Variants in CDH20 observed in about 807,000 individuals in gnomAD.
The protein encoded by CDH20 is cadherin-20.
In CDH20, 29 loss-of-function variants were observed where a neutral mutation model predicts 74.2. The ratio of observed to expected loss-of-function variants is 0.39; its 90% confidence interval spans 0.29 to 0.53. The LOEUF (loss-of-function observed/expected upper bound fraction) is 0.53, where lower values mean the gene tolerates loss of function less well. Among genes scored for constraint, CDH20 ranks in the 20% least tolerant of loss-of-function variants. The pLI is 0.69. For synonymous variants in CDH20, 469 were observed against 405.4 expected (o/e 1.16, Z -1.88); for missense variants, 988 against 1,048.3 (o/e 0.94, Z 0.79).
At chr18:61,361,257 A>T (rs570765966) in intron 1 of CDH20, among the ~76,000 whole-genome samples, 4 of 152,354 alleles carry the variant, frequency 2.6e-5, no homozygotes, top group African/African-American at 9.6e-5. Context: ...AAGGACATCC[A>T]TTATACCCAT....
At chr18:61,510,993 T>TTTG (rs879294844) in intron 6 of CDH20, among the ~76,000 whole-genome samples, 1 of 148,502 alleles carries the variant, frequency 6.7e-6, no homozygotes, top group African/African-American at 2.5e-5. Flanking sequence ...TTTTTTTTTT[T>TTTG]GTTTATTTGT....
At position 61,461,328 on chromosome 18, in the gene CDH20, T is replaced by TA. The variant is rs33964985; in HGVS notation, c.-152-29054dup. On this transcript the variant is annotated intron_variant, in intron 1 of 11. Coordinates refer to ENST00000262717, the MANE Select transcript of CDH20 (RefSeq NM_031891.4). ...ACAAAGTACCACAAGCTGGGTGACT[T>TA]AAAAAAAAAAAAAAAAAAAACCAGA... Among the ~76,000 whole-genome samples the TA allele has an allele frequency of 9.4e-3, 1,215 of 129,476 alleles. 13 individuals are homozygous for TA. The highest frequency in any genetic ancestry group is 0.052 in the East Asian group (233 of 4,462). The allele number at this position is 129,476 out of a possible 152,430, so 84.9% of individuals were successfully genotyped here.
At chr18:61,439,331 TC>T (rs1428425914) in intron 1 of CDH20, among the ~76,000 whole-genome samples, 1 of 152,168 alleles carries the variant, frequency 6.6e-6, no homozygotes, top group Non-Finnish European at 1.5e-5. Flanking sequence ...TAGTATATAT[TC>T]ATTTTTAACA....
At chr18:61,532,735 G>A (rs1363761549) in intron 7 of CDH20, among the ~76,000 whole-genome samples, 1 of 152,052 alleles carries the variant, frequency 6.6e-6, no homozygotes, top group African/African-American at 2.4e-5. Flanking sequence ...ATGCACTATA[G>A]TAAAGAAAAT....
At position 61,429,851 on chromosome 18, in the gene CDH20, T is replaced by C. The variant is rs1913193827; in HGVS notation, c.-152-60551T>C. Among the ~76,000 whole-genome samples, 3 of 152,234 alleles carry C rather than the reference T, an allele frequency of 2.0e-5. No homozygotes were observed. The South Asian group carries it at 6.2e-4, about 31-fold the overall frequency. ...GATTATTATTTCTTCACTGGAATAA[T>C]ACTTTTCCCACTCAGATTTCAACAA... On this transcript the variant is annotated intron_variant, in intron 1 of 11. Coordinates refer to ENST00000262717, the MANE Select transcript of CDH20 (RefSeq NM_031891.4).
At chr18:61,364,461 C>T (rs931402535) in intron 1 of CDH20, among the ~76,000 whole-genome samples, 3 of 152,128 alleles carry the variant, frequency 2.0e-5, no homozygotes, top group Admixed American at 6.5e-5. Flanking sequence ...TACAGGCATG[C>T]GCCACCACAC....
Position 61,370,951 on chromosome 18 carries a change from A to G in CDH20, c.-153+37124A>G, listed in dbSNP as rs151074629. On this transcript the variant is annotated intron_variant, in intron 1 of 11. Coordinates refer to ENST00000262717, the MANE Select transcript of CDH20 (RefSeq NM_031891.4). ...TTTTCTCCAACTATAAAAAAGTTAG[A>G]CTAGGCATGTAGCCCCTGAAATAGT... Among the ~76,000 whole-genome samples, 357 of 152,194 alleles carry G rather than the reference A, an allele frequency of 2.3e-3. 4 individuals are homozygous for G. The highest frequency in any genetic ancestry group is 8.3e-3 in the African/African-American group (346 of 41,566).
intron 7 of CDH20, among the ~76,000 whole-genome samples, chr18:61,536,046 C>T (rs912253691): frequency 6.6e-6 from 1 of 152,108 alleles, no homozygotes; most frequent in Non-Finnish European, 1.5e-5. Context: ...ATAGTTGATA[C>T]AAATTATAAG....
chr18:61,415,127 T>G (rs1420271165), intron 1 of CDH20, among the ~76,000 whole-genome samples: 1 of 152,178 alleles, frequency 6.6e-6, no homozygotes, highest in Non-Finnish European at 1.5e-5. Flanking sequence ...TTTTGCTATA[T>G]TCTAGCATTT....
chr18:61,553,203 G>A (rs1447893235), intron 11 of CDH20, among the ~76,000 whole-genome samples: 1 of 151,892 alleles, frequency 6.6e-6, no homozygotes, highest in African/African-American at 2.4e-5. Flanking sequence ...GATAAACTGG[G>A]GTCTTATTTT....
chr18:61,503,019 A>C lies in CDH20; in HGVS notation c.728A>C (p.Gln243Pro). Residue 243 changes from glutamine to proline, a missense_variant, in exon 5 of 12, where the codon CAA (glutamine) becomes CCA (proline). Transcript: ENST00000262717. ...AAAGAATACTACGAAGTGATTATCC[A>C]AGCCAAGGACATGGGAGGGCAGCTT... ...EAKEYYEVII[Q>P]AKDMGGQLGG... The C allele has an allele frequency of 6.2e-7, 1 of 1,614,066 alleles. No individual in the cohort carries two copies. The highest frequency in any genetic ancestry group is 8.5e-7 in the Non-Finnish European group (1 of 1,179,910).
rs199623629 is a variant in CDH20 at position 61,500,391 on chromosome 18, G to A, written c.550G>A (p.Val184Ile). The A allele has an allele frequency of 6.4e-5, 103 of 1,611,614 alleles. No homozygotes were observed. Among genetic ancestry groups the A allele is most frequent in the Admixed American group, 2.2e-4 (13 of 59,948 alleles). Residue 184 changes from valine to isoleucine, a missense_variant, in exon 4 of 12, where the codon GTC (valine) becomes ATC (isoleucine). Physicochemically the swap from Val to Ile is conservative, Grantham distance 29. Transcript: ENST00000262717. ...VPEMSPVGTS[V>I]IQVTATDADD... ...CCTCTTCTCTTCCCCAGGTACCTCCGTCATCCAAGTGACAGCCACAGATGC... is the reference window on the plus strand; with the variant it reads ...CCTCTTCTCTTCCCCAGGTACCTCCATCATCCAAGTGACAGCCACAGATGC...
chr18:61,432,959 C>A (rs1318668474), intron 1 of CDH20, among the ~76,000 whole-genome samples: 1 of 151,976 alleles, frequency 6.6e-6, no homozygotes, highest in East Asian at 1.9e-4. Context: ...AAAGAAAAAA[C>A]ATACACCACA....
At chr18:61,410,457 G>A (rs1230152882) in intron 1 of CDH20, among the ~76,000 whole-genome samples, 1 of 152,196 alleles carries the variant, frequency 6.6e-6, no homozygotes, top group East Asian at 1.9e-4. Flanking sequence ...TAGTGAAACT[G>A]TAAATTAGGG....
In CDH20 at chr18:61,555,387, AGTGCTCGT is replaced by A; in HGVS notation, c.*695_*702del. 1 of 985,502 alleles carries A rather than the reference AGTGCTCGT, an allele frequency of 1.0e-6. No homozygotes were observed. The highest frequency in any genetic ancestry group is 1.2e-6 in the Non-Finnish European group (1 of 829,972). The allele number at this position is 985,502 out of a possible 1,614,324, so 61.0% of individuals were successfully genotyped here. A position where few individuals can be genotyped will look rare whatever the true frequency, so the allele number is the denominator to read the frequency against. On this transcript the variant is annotated 3_prime_UTR_variant, in exon 12 of 12. Transcript: ENST00000262717. ...AGCTCATCCAACGCCATCAAGTTAG[AGTGCTCGT>A]GTCTCCTCTCAGCTATTTAACTGTG...
intron 1 of CDH20, among the ~76,000 whole-genome samples, chr18:61,455,259 A>C (rs1382419602): frequency 6.6e-6 from 1 of 152,214 alleles, no homozygotes; most frequent in Non-Finnish European, 1.5e-5. Flanking sequence ...ACAATGTAGG[A>C]TCCTGGATTG....
chr18:61,371,696 CA>C (rs1911046315), intron 1 of CDH20, among the ~76,000 whole-genome samples: 1 of 151,984 alleles, frequency 6.6e-6, no homozygotes, highest in African/African-American at 2.4e-5. Context: ...AAAAGTAGCT[CA>C]TTAGGAGTTA....
At chr18:61,397,959 A>C (rs2144219277) in intron 1 of CDH20, among the ~76,000 whole-genome samples, 1 of 152,348 alleles carries the variant, frequency 6.6e-6, no homozygotes, top group Non-Finnish European at 1.5e-5. Flanking sequence ...GGAATTCATA[A>C]AAGAATGAAT....
At chr18:61,548,077 A>G (rs1166614233) in intron 10 of CDH20, among the ~76,000 whole-genome samples, 2 of 152,196 alleles carry the variant, frequency 1.3e-5, no homozygotes, top group African/African-American at 4.8e-5. Flanking sequence ...TTAAAACTAC[A>G]AAGTGGAATT....
Sources: allele counts gnomAD v4.1 joint callset (sites outside exome capture counted in the v4.1 genomes callset), GRCh38; gene constraint gnomAD v4.1.1; transcripts MANE v1.5; gene names NCBI Gene and HGNC (gene_info 2026-07-23, HGNC 2026-07-21).